PCDHGB2: variants seen among roughly 807,000 people sequenced by gnomAD.
PCDHGB2 encodes the protein protocadherin gamma-B2.
In PCDHGB2, 55 loss-of-function variants were observed where a neutral mutation model predicts 59.3. The ratio of observed to expected loss-of-function variants is 0.93; its 90% CI spans 0.75 to 1.16. The LOEUF (loss-of-function observed/expected upper bound fraction) is 1.16. PCDHGB2 is among the 50% of genes most tolerant of loss of function. The pLI, the probability that PCDHGB2 is intolerant of heterozygous loss-of-function variation, is 0.00. For missense variants in PCDHGB2, 1,228 were observed against 1,198.5 expected (o/e 1.02, Z -0.36); for synonymous variants, 516 against 512.0 (o/e 1.01, Z -0.11).
In PCDHGB2 at chr5:141,374,497, G is replaced by A. The variant is rs778938878; in HGVS notation, c.2421+11941G>A. On this transcript the variant is annotated intron_variant, in intron 1 of 3. Coordinates refer to ENST00000522605, the MANE Select transcript of PCDHGB2 (RefSeq NM_018923.3). ...CACCCCGATTCTTAAAGGAAGAATT[G>A]GAAGTGAAAATTCTCGAAAACGCAG... 7.4e-6 allele frequency: 12 copies of A among 1,611,444 alleles called. No homozygotes were observed. The Admixed American group carries it at 1.2e-4, about 16-fold the overall frequency.
At chr5:141,444,876 G>A (rs921183358) in intron 1 of PCDHGB2, among the ~76,000 whole-genome samples, 1 of 152,186 alleles carries the variant, frequency 6.6e-6, no homozygotes, top group African/African-American at 2.4e-5. Flanking sequence ...GACAAAGCTT[G>A]TAGGATTTTT....
In PCDHGB2 at chr5:141,491,721, C is replaced by T. The variant is rs761584159; in HGVS notation, c.2422-3086C>T. On this transcript the variant is annotated intron_variant, in intron 1 of 3. Transcript: ENST00000522605. The surrounding 1 kb of genome is among the most constrained non-coding windows in gnomAD (Gnocchi z 6.9). The stretch of plus-strand genomic sequence containing the variant: ...GCCAGGTGAGGGGCTCGGCGCCGCC[C>T]CGGGCGACCCCTGGGGGCGGCACTG... 3 of 1,607,250 alleles carry T rather than the reference C, an allele frequency of 1.9e-6. No homozygotes were observed. Among genetic ancestry groups the T allele is most frequent in the Admixed American group, 1.7e-5 (1 of 58,860 alleles).
chr5:141,413,839 G>T (rs971599906), intron 1 of PCDHGB2: 1 of 1,613,310 alleles, frequency 6.2e-7, no homozygotes, highest in African/African-American at 1.3e-5. Flanking sequence ...CTCCGACGGG[G>T]GTGACCCTCT....
chr5:141,400,639 C>A, intron 1 of PCDHGB2: 1 of 1,310,186 alleles, frequency 7.6e-7, no homozygotes, highest in Non-Finnish European at 1.1e-6. Context: ...CAGAGCTGCT[C>A]AGAAAGCTGT....
At chr5:141,422,281 T>C in intron 1 of PCDHGB2, 1 of 1,557,044 alleles carries the variant, frequency 6.4e-7, no homozygotes, top group Middle Eastern at 1.7e-4. Context: ...AACTATCACC[T>C]CTTCTATTAA....
At chr5:141,419,246 GAAAACAACCAGCC>G (rs749331717) in intron 1 of PCDHGB2, 1 of 1,614,004 alleles carries the variant, frequency 6.2e-7, no homozygotes, top group South Asian at 1.1e-5. Flanking sequence ...CCACGTGCCA[GAAAACAACCAGCC>G]GGGTGCCTCC....
chr5:141,408,431 G>A, intron 1 of PCDHGB2: 1 of 1,614,064 alleles, frequency 6.2e-7, no homozygotes. Flanking sequence ...GCACTTCAGC[G>A]TAGACGCGGA....
intron 1 of PCDHGB2, chr5:141,415,746 T>TTG: frequency 3.0e-6 from 2 of 662,596 alleles, no homozygotes; most frequent in Non-Finnish European, 3.7e-6. Flanking sequence ...TAAGGTTTTT[T>TTG]TTTTTTTTTT....
In PCDHGB2 at chr5:141,487,636, AC is replaced by A. The variant is rs1562120737; in HGVS notation, c.2422-7170del. On this transcript the variant is annotated intron_variant, in intron 1 of 3. Coordinates refer to ENST00000522605, the MANE Select transcript of PCDHGB2 (RefSeq NM_018923.3). The surrounding 1 kb of genome is among the most constrained non-coding windows in gnomAD (Gnocchi z 5.0). ...TAGAGGTGAGACCTTTGCAGGCTCA[AC>A]AAATGCTTGAGGGTTATTCTGATCC... 1 of 1,614,192 alleles carries A rather than the reference AC, an allele frequency of 6.2e-7. No individual in the cohort carries two copies. The highest frequency in any genetic ancestry group is 2.2e-5 in the East Asian group (1 of 44,886).
chr5:141,364,231 C>T, intron 1 of PCDHGB2: 1 of 1,392,326 alleles, frequency 7.2e-7, no homozygotes, highest in Non-Finnish European at 9.6e-7. Flanking sequence ...CAACGCTCCA[C>T]GCCCATTTTC....
chr5:141,395,218 A>G, intron 1 of PCDHGB2: 2 of 1,612,142 alleles, frequency 1.2e-6, no homozygotes, highest in Non-Finnish European at 1.7e-6. Flanking sequence ...GAATATAAGA[A>G]TGAAGCTGAT....
At chr5:141,403,860 C>A (rs201458472) in intron 1 of PCDHGB2, 1 of 1,613,382 alleles carries the variant, frequency 6.2e-7, no homozygotes, top group Non-Finnish European at 8.5e-7. Flanking sequence ...GAAATATCAA[C>A]AGCAAAAAGT....
Position 141,405,419 on chromosome 5 carries a change from TTTG to T in PCDHGB2, c.2421+42866_2421+42868del, listed in dbSNP as rs372094745. On this transcript the variant is annotated intron_variant, in intron 1 of 3. Transcript: ENST00000522605. ...CTTTCTTTCTTTTCTTTTTTTGTTT[TTTG>T]TTTTGTTTTGTTTTTGAGACAGAGT... The T allele has an allele frequency of 6.8e-4, 1,019 of 1,509,010 alleles. 10 individuals are homozygous for T. In the African/African-American group the frequency reaches 0.012, roughly 18 times the overall value. The allele number at this position is 1,509,010 out of a possible 1,614,324, so 93.5% of individuals were successfully genotyped here.
intron 1 of PCDHGB2, among the ~76,000 whole-genome samples, chr5:141,467,116 A>T (rs981562543): frequency 2.0e-5 from 3 of 150,560 alleles, no homozygotes; most frequent in Non-Finnish European, 4.4e-5. Flanking sequence ...ACAATGGTGC[A>T]ATCTCAGCTC....
Position 141,399,408 on chromosome 5 carries a change from C to G in PCDHGB2, c.2421+36852C>G, listed in dbSNP as rs373563586. On this transcript the variant is annotated intron_variant, in intron 1 of 3. Coordinates refer to ENST00000522605, the MANE Select transcript of PCDHGB2 (RefSeq NM_018923.3). ...CAGCCACAGACAGGGGCAAGCCGCC[C>G]CTCTCCTCCAGCATAAGCGTCATCC... 20 of 1,613,888 alleles carry G rather than the reference C, an allele frequency of 1.2e-5. No individual in the cohort carries two copies. In the East Asian group the frequency reaches 3.8e-4, roughly 31 times the overall value.
rs1368226100 is a variant in PCDHGB2, at chr5:141,511,268, C to T, written c.*95C>T. The stretch of plus-strand genomic sequence containing the variant: ...CAGGCCTCAGAGTTTCAGGGCTAAC[C>T]CCCAGAATACTGGTAGGGGCCAAGG... On this transcript the variant is annotated 3_prime_UTR_variant, in exon 4 of 4. Coordinates refer to ENST00000522605, the MANE Select transcript of PCDHGB2 (RefSeq NM_018923.3). 1.9e-6 allele frequency: 3 copies of T among 1,546,408 alleles called. No individual in the cohort carries two copies. The highest frequency in any genetic ancestry group is 2.4e-5 in the East Asian group (1 of 41,246).
At chr5:141,392,693 C>T (rs1315405629) in intron 1 of PCDHGB2, 5 of 1,161,626 alleles carry the variant, frequency 4.3e-6, no homozygotes, top group Non-Finnish European at 5.8e-6. Context: ...GAAACCCGAC[C>T]CCTGTTTGGA....
intron 1 of PCDHGB2, chr5:141,393,706 C>T: frequency 1.2e-6 from 2 of 1,613,798 alleles, no homozygotes; most frequent in African/African-American, 1.3e-5. Flanking sequence ...AATGAAAATA[C>T]TGGGGAAATA....
chr5:141,389,676 C>T, intron 1 of PCDHGB2: 1 of 1,612,444 alleles, frequency 6.2e-7, no homozygotes, highest in Non-Finnish European at 8.5e-7. Context: ...AGACTCAGGA[C>T]ACAACGCCTG....
Sources: gnomAD v4.1 joint callset for allele counts (sites outside exome capture counted in the v4.1 genomes callset) on GRCh38, gnomAD v4.1.1 for gene constraint, Gnocchi (gnomAD v3.1) non-coding constraint, MANE v1.5 for transcripts, NCBI Gene and HGNC (gene_info 2026-07-23, HGNC 2026-07-21) for gene names.